The following HNRNPL variants were observed in gnomAD, a reference collection of about 807,000 sequenced individuals.
The protein encoded by HNRNPL is epididymis secretory sperm binding protein.
HNRNPL carries 12 observed loss-of-function variants against 64.0 expected under a neutral mutation model. That is an observed-to-expected ratio of 0.19 (90% CI 0.12 to 0.30). HNRNPL has a LOEUF of 0.30. Among genes scored for constraint, HNRNPL ranks in the 10% least tolerant of loss-of-function variants. The pLI, the probability that HNRNPL is intolerant of heterozygous loss-of-function variation, is 1.00. For missense variants in HNRNPL, 484 were observed against 797.4 expected, an observed-to-expected ratio of 0.61 and a Z score of 4.73; for synonymous variants, 385 against 313.0, an observed-to-expected ratio of 1.23 and a Z score of -2.43.
At chr19:38,849,351 C>G (rs1972416724) in intron 1 of HNRNPL, 1 of 232,188 alleles carries the variant, frequency 4.3e-6, no homozygotes, top group East Asian at 8.3e-5. Context: ...GGGAACACTG[C>G]GCCTGCGCAT....
Position 38,837,633 on chromosome 19 carries a change from C to T in HNRNPL, c.1576G>A (p.Val526Met). The T allele has an allele frequency of 1.2e-6, 2 of 1,614,244 alleles. No individual in the cohort carries two copies. The highest frequency in any genetic ancestry group is 1.7e-6 in the Non-Finnish European group (2 of 1,180,028). The change falls in exon 11 of 13, where the codon GTG becomes ATG. Residue 526 changes from valine (V) to methionine (M), a missense_variant. By Grantham distance (21) the Val-to-Met change is conservative (BLOSUM62 1). Transcript: ENST00000221419. ...NFFEICDELGVKRPSSVKVFS... is the reference protein window; with the variant it reads ...NFFEICDELGMKRPSSVKVFS... ...ACTTTCACAGAAGATGGCCGCTTCACTCCCAGCTCATCGCAGATCTGCAAA... is the reference window on the plus strand; with the variant it reads ...ACTTTCACAGAAGATGGCCGCTTCATTCCCAGCTCATCGCAGATCTGCAAA...
At chr19:38,847,863 G>T (rs895851912) in intron 1 of HNRNPL, among the ~76,000 whole-genome samples, 6 of 152,140 alleles carry the variant, frequency 3.9e-5, no homozygotes, top group Admixed American at 3.3e-4. Flanking sequence ...CTTTGCATGT[G>T]CCCCAAATTC....
At chr19:38,847,552 T>C in intron 1 of HNRNPL, 118 bp from the exon 2 acceptor site, 2 of 527,540 alleles carry the variant, frequency 3.8e-6, no homozygotes, top group Non-Finnish European at 6.5e-6. Context: ...CCGTGAAGGA[T>C]GCACAGGAAA....
At chr19:38,845,798 G>C in intron 3 of HNRNPL, 55 bp downstream of exon 3, 2 of 1,596,614 alleles carry the variant, frequency 1.3e-6, no homozygotes, top group South Asian at 2.2e-5. Flanking sequence ...TTGGGGGAGG[G>C]AATAAGGGGA....
At chr19:38,849,569 C>T in intron 1 of HNRNPL, 131 bp downstream of exon 1, 1 of 1,203,878 alleles carries the variant, frequency 8.3e-7, no homozygotes, top group Non-Finnish European at 1.1e-6. Context: ...GGCCGCCCCT[C>T]CCCCACACCG....
chr19:38,838,838 T>C (rs1465775960), intron 9 of HNRNPL, 56 bp downstream of exon 9: 2 of 1,610,330 alleles, frequency 1.2e-6, no homozygotes, highest in Non-Finnish European at 1.7e-6. Context: ...TGGGCCCCAT[T>C]CCCCTCCTTT....
Position 38,843,996 on chromosome 19 carries a change from T to A in HNRNPL, c.807+12A>T. 1 of 1,611,230 alleles carries A rather than the reference T, an allele frequency of 6.2e-7. No individual in the cohort carries two copies. The highest frequency in any genetic ancestry group is 8.5e-7 in the Non-Finnish European group (1 of 1,177,378). On this transcript the variant is annotated intron_variant, in intron 5 of 12. Coordinates refer to ENST00000221419, the MANE Select transcript of HNRNPL (RefSeq NM_001533.3). ...AGCTGACAAGGGGCAGTCAGTCACCTCCCAGATGTACCTTTGCGTATTCGA... is the reference window on the plus strand; with the variant it reads ...AGCTGACAAGGGGCAGTCAGTCACCACCCAGATGTACCTTTGCGTATTCGA...
chr19:38,843,775 T>C (rs1000523865), intron 6 of HNRNPL, 67 bp downstream of exon 6: 15 of 1,323,778 alleles, frequency 1.1e-5, no homozygotes, highest in Non-Finnish European at 1.6e-5. Context: ...AGCCCAGGCC[T>C]ATTAAGTGCA....
Position 38,846,090 on chromosome 19 carries a change from G to A in HNRNPL, c.387C>T (p.Ser129=), listed in dbSNP as rs1972284169. Residue 129 remains serine, a splice_region_variant and synonymous_variant, in exon 3 of 13, where the codon AGC becomes AGT. Coordinates refer to ENST00000221419, the MANE Select transcript of HNRNPL (RefSeq NM_001533.3). The stretch of plus-strand genomic sequence containing the variant: ...TCTTTTTAGGCATTACCACCACATA[G>A]CTGGCAGAGAGAACACAGGTTTCAA... The part of the protein sequence containing the change: ...VEALQEFGPI[S]YVVVMPKKRQ... 1.9e-6 allele frequency: 3 copies of A among 1,604,886 alleles called. No individual in the cohort carries two copies. The highest frequency in any genetic ancestry group is 2.6e-6 in the Non-Finnish European group (3 of 1,171,634).
Position 38,849,830 on chromosome 19 carries a change from C to T in HNRNPL, c.137G>A (p.Arg46His). 8.1e-7 allele frequency: 1 copy of T among 1,240,404 alleles called. No homozygotes were observed. The highest frequency in any genetic ancestry group is 1.1e-6 in the Non-Finnish European group (1 of 893,020). The allele number at this position is 1,240,404 out of a possible 1,614,324, so 76.8% of individuals were successfully genotyped here. A position where few individuals can be genotyped will look rare whatever the true frequency, so the allele number is the denominator to read the frequency against. The change falls in exon 1 of 13, where the codon CGC becomes CAC. Residue 46 changes from arginine to histidine, a missense_variant. Around this residue, in one of 9 missense-constraint regions of HNRNPL, gnomAD observed 190 missense variants for 160.1 expected, o/e 1.19. Transcript: ENST00000221419. Reference protein sequence around the residue: ...AAAGGGGGGGRYYGGGSEGGR... With the variant: ...AAAGGGGGGGHYYGGGSEGGR... Reference sequence around the variant, plus strand: ...GCCCTCACTGCCGCCGCCGTAGTAGCGGCCACCGCCGCCTCCGCCGCCCGC... The same window carrying T: ...GCCCTCACTGCCGCCGCCGTAGTAGTGGCCACCGCCGCCTCCGCCGCCCGC...
chr19:38,843,784 C>T lies in HNRNPL; in HGVS notation c.880+58G>A, dbSNP rs1972192427. 4.3e-6 allele frequency: 6 copies of T among 1,395,268 alleles called. No individual in the cohort carries two copies. In the South Asian group the frequency reaches 7.0e-5, roughly 16 times the overall value. The allele number at this position is 1,395,268 out of a possible 1,614,324, so 86.4% of individuals were successfully genotyped here. A position where few individuals can be genotyped will look rare whatever the true frequency, so the allele number is the denominator to read the frequency against. ...ACCCTGAGCCCAGGCCTATTAAGTG[C>T]ACTAGTCGAGTGAAAGCAAGGCGGG... On this transcript the variant is annotated intron_variant, in intron 6 of 12. Transcript: ENST00000221419.
intron 1 of HNRNPL, 55 bp from the exon 2 acceptor site, chr19:38,847,489 C>T: frequency 1.9e-6 from 2 of 1,046,714 alleles, no homozygotes; most frequent in Non-Finnish European, 2.7e-6. Context: ...GATGACGCCC[C>T]ACTGGCCTCT....
At chr19:38,836,938 A>G in intron 12 of HNRNPL, 158 bp from the exon 13 acceptor site, 1 of 588,550 alleles carries the variant, frequency 1.7e-6, no homozygotes, top group South Asian at 2.3e-5. Flanking sequence ...GCCAATTACC[A>G]ATTATGCACG....
intron 8 of HNRNPL, 74 bp downstream of exon 8, chr19:38,840,022 C>T: frequency 2.7e-6 from 4 of 1,459,326 alleles, no homozygotes; most frequent in East Asian, 4.5e-5. Flanking sequence ...CAGGCTCCCC[C>T]CTGGTTCTTT....
In HNRNPL at chr19:38,849,945, G is replaced by A; in HGVS notation, c.22C>T (p.Arg8Trp). 3.0e-6 allele frequency: 4 copies of A among 1,354,674 alleles called. No individual in the cohort carries two copies. The highest frequency in any genetic ancestry group is 3.8e-6 in the Non-Finnish European group (4 of 1,040,282). 83.9% of individuals were successfully genotyped at this position (1,354,674 alleles called of 1,614,324 possible). A position where few individuals can be genotyped will look rare whatever the true frequency, so the allele number is the denominator to read the frequency against. Reference sequence around the variant, plus strand: ...AGCCGCCGACGCCGCTTCTCCGCCCGGGGCAGCAGCCTCCGCGACATGGCG... The same window carrying A: ...AGCCGCCGACGCCGCTTCTCCGCCCAGGGCAGCAGCCTCCGCGACATGGCG... MSRRLLPRAEKRRRRLEQ... is the reference protein window; with the variant it reads MSRRLLPWAEKRRRRLEQ... The change falls in exon 1 of 13, where the codon CGG (arginine) becomes TGG (tryptophan). Residue 8 changes from arginine to tryptophan, a missense_variant. By Grantham distance (101) the Arg-to-Trp change is moderately radical (BLOSUM62 -3). Around this residue, in one of 9 missense-constraint regions of HNRNPL, gnomAD observed 190 missense variants for 160.1 expected, o/e 1.19. Transcript: ENST00000221419.
At position 38,849,824 on chromosome 19, in the gene HNRNPL, T is replaced by TAGTAGCGGCCACCGCCGC; in HGVS notation, c.125_142dup (p.Tyr47_Tyr48insCysGlyGlyGlyArgTyr). 1 of 1,242,426 alleles carries TAGTAGCGGCCACCGCCGC rather than the reference T, an allele frequency of 8.0e-7. No homozygotes were observed. The highest frequency in any genetic ancestry group is 1.1e-6 in the Non-Finnish European group (1 of 896,450). The allele number at this position is 1,242,426 out of a possible 1,614,324, so 77.0% of individuals were successfully genotyped here. A position where few individuals can be genotyped will look rare whatever the true frequency, so the allele number is the denominator to read the frequency against. ...CCGGCCGCCCTCACTGCCGCCGCCGTAGTAGCGGCCACCGCCGCCTCCGCC... is the reference window on the plus strand; with the variant it reads ...CCGGCCGCCCTCACTGCCGCCGCCGTAGTAGCGGCCACCGCCGCAGTAGCGGCCACCGCCGCCTCCGCC... On this transcript the variant is annotated inframe_insertion, in exon 1 of 13. Transcript: ENST00000221419.
chr19:38,836,803 G>C, intron 12 of HNRNPL, 23 bp from the exon 13 acceptor site: 1 of 1,594,838 alleles, frequency 6.3e-7, no homozygotes, highest in Non-Finnish European at 8.6e-7. Context: ...GACAAGTTTG[G>C]TTGGTTCCCG....
At chr19:38,841,273 T>TA (rs1416425077) in intron 6 of HNRNPL, 2 of 326,976 alleles carry the variant, frequency 6.1e-6, no homozygotes, top group African/African-American at 4.3e-5. Flanking sequence ...CTAAGCGCTT[T>TA]ACAGACATCA....
At chr19:38,845,426 T>G in intron 4 of HNRNPL, 2 of 537,500 alleles carry the variant, frequency 3.7e-6, no homozygotes. Context: ...TAAATTCCTT[T>G]GTATCTCCCA....
Sources: gnomAD v4.1 joint callset for allele counts (sites outside exome capture counted in the v4.1 genomes callset) on GRCh38, gnomAD v4.1.1 for gene constraint, gnomAD v4.1.1 regional missense constraint, MANE v1.5 for transcripts, NCBI Gene and HGNC (gene_info 2026-07-23, HGNC 2026-07-21) for gene names.